The following TECR variants were observed in gnomAD, a reference collection of about 807,000 sequenced individuals.
TECR encodes very-long-chain enoyl-CoA reductase.
A neutral mutation model predicts 50.6 loss-of-function variants in TECR; 19 were observed. That is an observed-to-expected ratio of 0.38 (90% CI 0.26 to 0.55). TECR has a LOEUF of 0.55. Among genes scored for constraint, TECR ranks in the 20% least tolerant of loss-of-function variants. The pLI is 0.79. For synonymous variants in TECR, 168 were observed against 163.5 expected (o/e 1.03, Z -0.21); for missense variants, 313 against 408.3 (o/e 0.77, Z 2.01).
chr19:14,562,009 C>A, intron 1 of TECR: 1 of 267,942 alleles, frequency 3.7e-6, no homozygotes. Context: ...TCATGCCTGC[C>A]CCTGGGGCTT....
Position 14,563,097 on chromosome 19 carries a change from T to A in TECR, c.67-109T>A. 7.6e-7 allele frequency: 1 copy of A among 1,307,638 alleles called. No homozygotes were observed. Among genetic ancestry groups the A allele is most frequent in the Non-Finnish European group, 1.1e-6 (1 of 922,746 alleles). The allele number at this position is 1,307,638 out of a possible 1,614,324, so 81.0% of individuals were successfully genotyped here. A position where few individuals can be genotyped will look rare whatever the true frequency, so the allele number is the denominator to read the frequency against. The stretch of plus-strand genomic sequence containing the variant: ...AGGCCTGGACCCCAGCCCTTCCCCC[T>A]TCCCATAGCTACAGCCCAACCCCCA... On this transcript the variant is annotated intron_variant, in intron 2 of 12. Coordinates refer to ENST00000215567, the MANE Select transcript of TECR (RefSeq NM_138501.6). The surrounding 1 kb of genome is among the most constrained non-coding windows in gnomAD (Gnocchi z 5.3).
intron 1 of TECR, among the ~76,000 whole-genome samples, chr19:14,549,820 G>A (rs113148282): frequency 3.6e-4 from 54 of 151,988 alleles, no homozygotes; most frequent in Middle Eastern, 3.4e-3. Context: ...GCATGCACCC[G>A]TAATCCCAGC....
intron 1 of TECR, among the ~76,000 whole-genome samples, chr19:14,534,596 C>T (rs534351938): frequency 2.9e-4 from 44 of 151,628 alleles, no homozygotes; most frequent in East Asian, 5.8e-4. Context: ...CCACCATGCC[C>T]GGCTAATTTC....
At chr19:14,549,211 CTTTT>C (rs561284094) in intron 1 of TECR, among the ~76,000 whole-genome samples, 1 of 111,160 alleles carries the variant, frequency 9.0e-6, no homozygotes, top group Non-Finnish European at 1.8e-5. Context: ...TTTAATTGGA[CTTTT>C]TTTTTTTTTT....
At position 14,565,082 on chromosome 19, in the gene TECR, A is replaced by T; in HGVS notation, c.623A>T (p.Asn208Ile). The change falls in exon 10 of 13, where the codon AAC becomes ATC. Residue 208 changes from asparagine (N) to isoleucine (I), a missense_variant. Transcript: ENST00000215567. Reference protein sequence around the residue: ...LAIFVICQLGNFSIHMALRDL... With the variant: ...LAIFVICQLGIFSIHMALRDL... The stretch of plus-strand genomic sequence containing the variant: ...CTCTGACAGATCTGCCAGCTCGGCA[A>T]CTTCTCCATCCACATGGCCCTGCGG... 6.8e-6 allele frequency: 11 copies of T among 1,613,866 alleles called. No individual in the cohort carries two copies. Among genetic ancestry groups the T allele is most frequent in the Non-Finnish European group, 7.6e-6 (9 of 1,180,028 alleles).
At chr19:14,533,044 C>T (rs11671111) in intron 1 of TECR, among the ~76,000 whole-genome samples, 31,448 of 151,544 alleles carry the variant, frequency 0.21, 3,574 homozygotes, top group South Asian at 0.41. Flanking sequence ...AGCTGGGAGG[C>T]GGAGTTGCCA....
chr19:14,563,358 GA>G lies in TECR; in HGVS notation c.118+102del. 1 of 1,188,038 alleles carries G rather than the reference GA, an allele frequency of 8.4e-7. No homozygotes were observed. Among genetic ancestry groups the G allele is most frequent in the South Asian group, 1.3e-5 (1 of 79,930 alleles). 73.6% of individuals were successfully genotyped at this position (1,188,038 alleles called of 1,614,324 possible). A position where few individuals can be genotyped will look rare whatever the true frequency, so the allele number is the denominator to read the frequency against. On this transcript the variant is annotated intron_variant, in intron 3 of 12. Coordinates refer to ENST00000215567, the MANE Select transcript of TECR (RefSeq NM_138501.6). This position sits in a 1 kb window ranked among gnomAD's most constrained non-coding sequence, Gnocchi z 5.3. ...TGCACCCCTCTCCCAGGGGCCTGCA[GA>G]GATGCCCCAGTGTGGCCCAGGCTTC...
At chr19:14,532,939 G>C (rs889977269) in intron 1 of TECR, among the ~76,000 whole-genome samples, 1 of 151,706 alleles carries the variant, frequency 6.6e-6, no homozygotes, top group Non-Finnish European at 1.5e-5. Flanking sequence ...GTGAAACCTC[G>C]TCTCTACTAA....
At position 14,533,849 on chromosome 19, in the gene TECR, A is replaced by G. The variant is rs545223382; in HGVS notation, c.15+4138A>G. 3.3e-5 allele frequency: 5 copies of G among 152,338 alleles called. No homozygotes were observed. The South Asian group carries it at 6.2e-4, about 19-fold the overall frequency. The allele number at this position is 152,338 out of a possible 1,614,324, so 9.4% of individuals were successfully genotyped here. On this transcript the variant is annotated intron_variant, in intron 1 of 12. Transcript: ENST00000215567. ...TTAGCATTGTCTTGGGGTCAGAGCT[A>G]GGTCGGTAAGCGAACTGCTTATCCT...
chr19:14,563,270 C>T lies in TECR; in HGVS notation c.118+13C>T, dbSNP rs200550141. On this transcript the variant is annotated intron_variant, in intron 3 of 12. Coordinates refer to ENST00000215567, the MANE Select transcript of TECR (RefSeq NM_138501.6). The surrounding 1 kb of genome is among the most constrained non-coding windows in gnomAD (Gnocchi z 5.3). ...TTCACTAAGACCCGTGAGTTCTAGT[C>T]CCGGCCACACTGCCCCTGCAACCCC... is the stretch of plus-strand genomic sequence containing the variant. 2.3e-5 allele frequency: 37 copies of T among 1,605,838 alleles called. No homozygotes were observed. The highest frequency in any genetic ancestry group is 3.0e-5 in the Non-Finnish European group (35 of 1,172,688).
At position 14,549,942 on chromosome 19, in the gene TECR, CAA is replaced by C. The variant is rs908988580; in HGVS notation, c.16-12573_16-12572del. Among the ~76,000 whole-genome samples the C allele has an allele frequency of 1.4e-5, 2 of 144,510 alleles. 1 individual carries two copies. The highest frequency in any genetic ancestry group is 4.5e-4 in the South Asian group (2 of 4,466). 94.8% of individuals were successfully genotyped at this position (144,510 alleles called of 152,430 possible). A position where few individuals can be genotyped will look rare whatever the true frequency, so the allele number is the denominator to read the frequency against. On this transcript the variant is annotated intron_variant, in intron 1 of 12. Transcript: ENST00000215567. The stretch of plus-strand genomic sequence containing the variant: ...TGGGCAACACAGTGAGACTCTGTCT[CAA>C]AAAAAAAAATAAAAAAAATAAACTA...
chr19:14,564,579 T>C, intron 7 of TECR: 1 of 429,484 alleles, frequency 2.3e-6, no homozygotes, highest in South Asian at 2.0e-5. Context: ...CGCCCCAGTT[T>C]CACCCCTAGG....
At chr19:14,552,267 C>G (rs1426903064) in intron 1 of TECR, among the ~76,000 whole-genome samples, 3 of 149,240 alleles carry the variant, frequency 2.0e-5, no homozygotes, top group Non-Finnish European at 4.4e-5. Flanking sequence ...CTCCCGGGCT[C>G]AAGCAATCCT....
At chr19:14,545,053 T>C (rs7252966) in intron 1 of TECR, 273,247 of 455,894 alleles carry the variant, frequency 0.6, 84,018 homozygotes, top group South Asian at 0.67. Flanking sequence ...GAGTTGTTTC[T>C]AAGCCTCTCA....
At chr19:14,553,672 G>C (rs754269256) in intron 1 of TECR, among the ~76,000 whole-genome samples, 4 of 152,174 alleles carry the variant, frequency 2.6e-5, no homozygotes, top group African/African-American at 4.8e-5. Flanking sequence ...CCGGAGTCCA[G>C]ATGAATGTGC....
chr19:14,559,915 G>A (rs1430451651), intron 1 of TECR, among the ~76,000 whole-genome samples: 1 of 152,218 alleles, frequency 6.6e-6, no homozygotes, highest in African/African-American at 2.4e-5. Context: ...ATTTGGGGCA[G>A]GAAATGGGAG....
chr19:14,560,755 TG>T (rs2073879230), intron 1 of TECR, among the ~76,000 whole-genome samples: 1 of 152,106 alleles, frequency 6.6e-6, no homozygotes, highest in Non-Finnish European at 1.5e-5. Context: ...GTCCAGGAAG[TG>T]GGGGCGAGTG....
chr19:14,561,932 C>T (rs555129398), intron 1 of TECR: 16 of 184,288 alleles, frequency 8.7e-5, no homozygotes, highest in East Asian at 6.5e-4. Context: ...GGGGCCTGCA[C>T]GGCCCGCTGG....
At chr19:14,565,711 C>T (rs1038205247) in intron 12 of TECR, 33 bp from the exon 13 acceptor site, 11 of 1,612,038 alleles carry the variant, frequency 6.8e-6, no homozygotes, top group South Asian at 1.1e-5. Context: ...TCCGGGCCGG[C>T]AGCCCCTCCC....
Sources: gnomAD v4.1 joint callset for allele counts (sites outside exome capture counted in the v4.1 genomes callset) on GRCh38, gnomAD v4.1.1 for gene constraint, Gnocchi (gnomAD v3.1) non-coding constraint, MANE v1.5 for transcripts, NCBI Gene and HGNC (gene_info 2026-07-23, HGNC 2026-07-21) for gene names.